Variants in PHACTR1 observed in about 807,000 individuals in gnomAD.
PHACTR1 encodes RPEL repeat containing 1.
Under a neutral mutation model 69.2 loss-of-function variants are expected in PHACTR1, and 16 were observed. The observed-to-expected ratio is 0.23, with a 90% CI of 0.16 to 0.35. The LOEUF is 0.35. PHACTR1 is among the 10% of genes least tolerant of loss of function. The pLI is 1.00. For synonymous variants in PHACTR1, 312 were observed against 284.5 expected (o/e 1.10, Z -0.97); for missense variants, 510 against 734.7 (o/e 0.69, Z 3.54).
At chr6:12,817,649 T>G (rs1775735636) in intron 4 of PHACTR1, among the ~76,000 whole-genome samples, 1 of 152,142 alleles carries the variant, frequency 6.6e-6, no homozygotes, top group Non-Finnish European at 1.5e-5. Flanking sequence ...TACAGCCTCC[T>G]GAAGTGAGAG....
At chr6:13,139,599 A>G (rs1822110301) in intron 5 of PHACTR1, among the ~76,000 whole-genome samples, 1 of 152,208 alleles carries the variant, frequency 6.6e-6, no homozygotes, top group Non-Finnish European at 1.5e-5. Context: ...TGAAGCTTCA[A>G]AGACAGAGGT....
At chr6:12,786,862 C>T (rs1382887950) in intron 4 of PHACTR1, among the ~76,000 whole-genome samples, 2 of 152,174 alleles carry the variant, frequency 1.3e-5, no homozygotes, top group Non-Finnish European at 2.9e-5. Flanking sequence ...TTCATAACTC[C>T]TGGTTAAATC....
intron 4 of PHACTR1, among the ~76,000 whole-genome samples, chr6:13,040,641 C>T (rs1264601257): frequency 6.6e-6 from 1 of 152,120 alleles, no homozygotes; most frequent in Non-Finnish European, 1.5e-5. Context: ...CCCTGCCCAC[C>T]AGCCACCACC....
chr6:12,734,233 A>G (rs576084703), intron 3 of PHACTR1, among the ~76,000 whole-genome samples: 32 of 152,364 alleles, frequency 2.1e-4, no homozygotes, highest in East Asian at 7.7e-4. Flanking sequence ...TAGTTTACAT[A>G]TAAGGAAACC....
intron 4 of PHACTR1, among the ~76,000 whole-genome samples, chr6:13,015,870 T>C (rs1209111864): frequency 6.6e-6 from 1 of 152,230 alleles, no homozygotes; most frequent in Non-Finnish European, 1.5e-5. Flanking sequence ...GATAGGATTA[T>C]TTACCCTCAA....
chr6:13,019,929 G>A (rs1397774321), intron 4 of PHACTR1, among the ~76,000 whole-genome samples: 1 of 152,162 alleles, frequency 6.6e-6, no homozygotes, highest in Non-Finnish European at 1.5e-5. Context: ...CCTGAAGGGT[G>A]GTAGTCCATT....
chr6:13,229,834 T>C (rs1240980556), intron 9 of PHACTR1, among the ~76,000 whole-genome samples: 3 of 152,250 alleles, frequency 2.0e-5, no homozygotes, highest in Admixed American at 1.3e-4. Context: ...AGGTTCCCCA[T>C]GTGCTGTCCA....
chr6:13,115,981 G>T (rs1006700563), intron 5 of PHACTR1, among the ~76,000 whole-genome samples: 2 of 152,176 alleles, frequency 1.3e-5, no homozygotes, highest in South Asian at 4.1e-4. Flanking sequence ...GTGTGACAGG[G>T]ATCTGCCATG....
intron 5 of PHACTR1, among the ~76,000 whole-genome samples, chr6:13,104,008 C>T (rs1394669592): frequency 2.6e-5 from 4 of 152,198 alleles, no homozygotes; most frequent in Non-Finnish European, 4.4e-5. Flanking sequence ...CGCCTGAACC[C>T]GGGAGGTGAA....
chr6:12,814,288 T>A (rs947353994), intron 4 of PHACTR1, among the ~76,000 whole-genome samples: 4 of 152,216 alleles, frequency 2.6e-5, no homozygotes, highest in African/African-American at 9.6e-5. Flanking sequence ...GTCACCTTCC[T>A]CATGAGCCAT....
At chr6:13,247,112 G>A (rs1157662382) in intron 10 of PHACTR1, among the ~76,000 whole-genome samples, 1 of 152,074 alleles carries the variant, frequency 6.6e-6, no homozygotes, top group Admixed American at 6.5e-5. Context: ...TTGATCTTCT[G>A]TGCCCTTCAA....
chr6:13,131,317 A>G (rs992660588), intron 5 of PHACTR1, among the ~76,000 whole-genome samples: 15 of 152,192 alleles, frequency 9.9e-5, no homozygotes, highest in Admixed American at 9.2e-4. Flanking sequence ...GGAGTTGGAG[A>G]CCATTATTCT....
intron 5 of PHACTR1, among the ~76,000 whole-genome samples, chr6:13,133,243 C>T (rs1159058102): frequency 6.0e-5 from 3 of 49,754 alleles, no homozygotes; most frequent in African/African-American, 2.7e-4. Context: ...CTCCCTCTCC[C>T]TTTCCCTCTC....
At chr6:13,128,615 T>A (rs909692735) in intron 5 of PHACTR1, among the ~76,000 whole-genome samples, 31 of 151,452 alleles carry the variant, frequency 2.0e-4, no homozygotes, top group African/African-American at 6.5e-4. Context: ...TGAAAAAAAA[T>A]TTTAAATGAA....
At chr6:12,989,191 A>G (rs888626648) in intron 4 of PHACTR1, among the ~76,000 whole-genome samples, 1 of 152,190 alleles carries the variant, frequency 6.6e-6, no homozygotes, top group Non-Finnish European at 1.5e-5. Context: ...CTATTCACTA[A>G]TTTTCCAAAC....
chr6:13,247,107 C>T lies in PHACTR1; in HGVS notation c.1391+16914C>T, dbSNP rs79687636. Among the ~76,000 whole-genome samples, 561 of 152,144 alleles carry T rather than the reference C, an allele frequency of 3.7e-3. 2 individuals carry two copies. The highest frequency in any genetic ancestry group is 5.4e-3 in the Non-Finnish European group (364 of 67,992). On this transcript the variant is annotated intron_variant, in intron 10 of 14. Transcript: ENST00000332995. ...GGAAGTGTGTTCATGAAAATTTGAT[C>T]TTCTGTGCCCTTCAACTCATTAAAA...
intron 4 of PHACTR1, among the ~76,000 whole-genome samples, chr6:12,803,961 G>C (rs760198909): frequency 6.6e-6 from 1 of 152,132 alleles, no homozygotes; most frequent in Non-Finnish European, 1.5e-5. Flanking sequence ...ATTCCAAATA[G>C]TAACAAATTA....
At chr6:12,839,344 C>T (rs556856736) in intron 4 of PHACTR1, among the ~76,000 whole-genome samples, 9 of 151,888 alleles carry the variant, frequency 5.9e-5, no homozygotes, top group Admixed American at 2.0e-4. Flanking sequence ...TCCTTGCTGC[C>T]ACCCAGGCAT....
chr6:13,213,073 G>A (rs935500773), intron 8 of PHACTR1, among the ~76,000 whole-genome samples: 1 of 150,750 alleles, frequency 6.6e-6, no homozygotes, highest in Non-Finnish European at 1.5e-5. Flanking sequence ...CTACAACAGG[G>A]CCTGGCTTAT....
Sources: allele counts gnomAD v4.1 joint callset (sites outside exome capture counted in the v4.1 genomes callset), GRCh38; gene constraint gnomAD v4.1.1; transcripts MANE v1.5; gene names NCBI Gene and HGNC (gene_info 2026-07-23, HGNC 2026-07-21).